Variants in JAM3 observed in about 807,000 individuals in gnomAD.
JAM3 encodes junctional adhesion molecule 3.
Under a neutral mutation model 39.4 loss-of-function variants are expected in JAM3, and 31 were observed. That is an observed-to-expected ratio of 0.79 (90% CI 0.59 to 1.06). The LOEUF (loss-of-function observed/expected upper bound fraction) is 1.06, where lower values mean the gene tolerates loss of function less well. Ranked by LOEUF, JAM3 falls within the 50% of genes least tolerant of loss-of-function variation. The pLI, the probability that JAM3 is intolerant of heterozygous loss-of-function variation, is 0.00. For synonymous variants in JAM3, 182 were observed against 148.7 expected (o/e 1.22, Z -1.63); for missense variants, 455 against 391.4 (o/e 1.16, Z -1.37).
intron 1 of JAM3, chr11:134,126,565 G>A (rs951375800): frequency 2.6e-5 from 4 of 152,210 alleles, no homozygotes; most frequent in Non-Finnish European, 5.9e-5. Flanking sequence ...TTTTTATACA[G>A]AAGTGCATGT....
At chr11:134,146,753 C>G (rs534742804) in intron 6 of JAM3, among the ~76,000 whole-genome samples, 8 of 152,164 alleles carry the variant, frequency 5.3e-5, no homozygotes, top group African/African-American at 1.9e-4. Flanking sequence ...TTTGTAGATA[C>G]GGGGTCTCAC....
intron 1 of JAM3, among the ~76,000 whole-genome samples, chr11:134,120,824 G>A (rs1204924217): frequency 6.6e-6 from 1 of 152,230 alleles, no homozygotes; most frequent in Non-Finnish European, 1.5e-5. Flanking sequence ...CAGGAAATTT[G>A]TGGGCTGAGA....
At chr11:134,100,109 C>T (rs1459527353) in intron 1 of JAM3, among the ~76,000 whole-genome samples, 2 of 152,110 alleles carry the variant, frequency 1.3e-5, no homozygotes, top group African/African-American at 2.4e-5. Flanking sequence ...ATGTTAAATT[C>T]TTCTCAAATT....
intron 1 of JAM3, among the ~76,000 whole-genome samples, chr11:134,087,049 C>T (rs893701875): frequency 1.1e-4 from 16 of 152,208 alleles, no homozygotes; most frequent in Admixed American, 3.3e-4. Flanking sequence ...AAGCGATCCT[C>T]CTCCCTCAGT....
At chr11:134,102,264 G>T (rs470456) in intron 1 of JAM3, among the ~76,000 whole-genome samples, 60,031 of 151,954 alleles carry the variant, frequency 0.4, 12,899 homozygotes, top group African/African-American at 0.58. Flanking sequence ...GGTCTGGAGT[G>T]GACCTCCAGC....
At chr11:134,129,265 C>T (rs111341832) in intron 1 of JAM3, among the ~76,000 whole-genome samples, 7,171 of 151,964 alleles carry the variant, frequency 0.047, 634 homozygotes, top group African/African-American at 0.16. Flanking sequence ...TATAGGCACC[C>T]GCCACCATGC....
intron 1 of JAM3, among the ~76,000 whole-genome samples, chr11:134,098,544 A>G (rs1942023833): frequency 1.3e-5 from 2 of 152,200 alleles, no homozygotes; most frequent in African/African-American, 2.4e-5. Context: ...CGGGGCAAGT[A>G]TAGATACTCA....
At chr11:134,130,272 C>G (rs1156387479) in intron 1 of JAM3, among the ~76,000 whole-genome samples, 2 of 152,192 alleles carry the variant, frequency 1.3e-5, no homozygotes, top group African/African-American at 4.8e-5. Context: ...AGCAAAGACA[C>G]TAACTCAGTC....
intron 3 of JAM3, among the ~76,000 whole-genome samples, chr11:134,143,405 AT>A (rs536892320): frequency 4.6e-5 from 7 of 151,584 alleles, no homozygotes; most frequent in African/African-American, 1.7e-4. Context: ...ATTTAAAAAT[AT>A]TTTTTTTTCT....
chr11:134,070,929 G>T (rs1941475588), intron 1 of JAM3, among the ~76,000 whole-genome samples: 1 of 152,180 alleles, frequency 6.6e-6, no homozygotes, highest in Non-Finnish European at 1.5e-5. Flanking sequence ...TAGTTCTAAT[G>T]ACAAATAATC....
At chr11:134,119,695 A>G (rs886216702) in intron 1 of JAM3, among the ~76,000 whole-genome samples, 1 of 152,162 alleles carries the variant, frequency 6.6e-6, no homozygotes, top group Admixed American at 6.5e-5. Context: ...TTAAATGATC[A>G]GGTGAGGCCC....
intron 1 of JAM3, among the ~76,000 whole-genome samples, chr11:134,103,278 G>A (rs1466378986): frequency 1.3e-5 from 2 of 152,094 alleles, no homozygotes; most frequent in Admixed American, 6.6e-5. Context: ...CATAAGTGAA[G>A]GAGAAATAAA....
At chr11:134,134,398 C>CAAAAAAAAAAAAAAAAAAAAAA (rs34729848) in intron 1 of JAM3, among the ~76,000 whole-genome samples, 55 of 31,920 alleles carry the variant, frequency 1.7e-3, no homozygotes, top group African/African-American at 2.1e-3. Flanking sequence ...GGATAAATGC[C>CAAAAAAAAAAAAAAAAAAAAAA]AAAAAAAAAA....
intron 1 of JAM3, among the ~76,000 whole-genome samples, chr11:134,121,821 G>GCGCGCACA (rs369702081): frequency 0.018 from 2,738 of 148,498 alleles, 75 homozygotes; most frequent in African/African-American, 0.063. Flanking sequence ...GCATGTGTGC[G>GCGCGCACA]CACACACACA....
chr11:134,137,038 A>G (rs1425847533), intron 1 of JAM3, among the ~76,000 whole-genome samples: 1 of 151,896 alleles, frequency 6.6e-6, no homozygotes, highest in African/African-American at 2.4e-5. Flanking sequence ...GTGTGAACCC[A>G]AGAGGCGGAG....
chr11:134,124,536 A>G (rs1942605883), intron 1 of JAM3, among the ~76,000 whole-genome samples: 1 of 152,178 alleles, frequency 6.6e-6, no homozygotes. Context: ...CTTGAATCCA[A>G]ATTCAACTTG....
At chr11:134,124,235 T>C in intron 1 of JAM3, 4 of 1,269,074 alleles carry the variant, frequency 3.2e-6, no homozygotes, top group Middle Eastern at 2.0e-4. Flanking sequence ...TAAGTTCCTC[T>C]GGGAACTCGT....
intron 1 of JAM3, among the ~76,000 whole-genome samples, chr11:134,099,477 A>G (rs546246334): frequency 2.0e-5 from 3 of 152,222 alleles, no homozygotes. Context: ...TGATGGTGGT[A>G]TTGAGGATAA....
At chr11:134,106,458 C>T (rs1942188976) in intron 1 of JAM3, among the ~76,000 whole-genome samples, 1 of 152,158 alleles carries the variant, frequency 6.6e-6, no homozygotes, top group South Asian at 2.1e-4. Context: ...ATGTCTAAAA[C>T]ACCAAAAGCA....
Sources: gnomAD v4.1 joint callset for allele counts (sites outside exome capture counted in the v4.1 genomes callset) on GRCh38, gnomAD v4.1.1 for gene constraint, MANE v1.5 for transcripts, NCBI Gene and HGNC (gene_info 2026-07-23, HGNC 2026-07-21) for gene names.